MOB4: variants seen among roughly 807,000 people sequenced by gnomAD.
MOB4 encodes MOB family member 4, phocein.
MOB4 carries 4 observed loss-of-function variants against 32.2 expected under a neutral mutation model. That is an observed-to-expected ratio of 0.12 (90% CI 0.06 to 0.28). MOB4 has a LOEUF of 0.28. MOB4 is among the 10% of genes least tolerant of loss of function. MOB4 has a pLI of 1.00. For synonymous variants in MOB4, 88 were observed against 88.1 expected (o/e 1.00, Z 0.01); for missense variants, 158 against 271.2 (o/e 0.58, Z 2.93).
At chr2:197,516,495 C>A in intron 1 of MOB4, 2 of 849,178 alleles carry the variant, frequency 2.4e-6, no homozygotes, top group Non-Finnish European at 1.7e-6. Context: ...CGCGACCAGC[C>A]TGGTGGAGAC....
intron 2 of MOB4, among the ~76,000 whole-genome samples, chr2:197,530,381 C>A (rs1242487102): frequency 6.6e-6 from 1 of 151,902 alleles, no homozygotes; most frequent in Non-Finnish European, 1.5e-5. Context: ...GATTTTCTCA[C>A]CTCACCTTTC....
Position 197,550,576 on chromosome 2 carries a change from A to C in MOB4, c.608A>C (p.Lys203Thr). 1 of 1,609,800 alleles carries C rather than the reference A, an allele frequency of 6.2e-7. No homozygotes were observed. The highest frequency in any genetic ancestry group is 1.7e-5 in the Admixed American group (1 of 58,932). The change falls in exon 8 of 8, where the codon AAG becomes ACG. Residue 203 changes from lysine to threonine, a missense_variant. This residue lies in a region of MOB4 where 45 missense variants were observed against 65.6 expected (regional missense o/e 0.69). Coordinates refer to ENST00000323303, the MANE Select transcript of MOB4 (RefSeq NM_015387.5). ...KFVMKYNLMS[K>T]DNLIVPILEE... is the part of the protein sequence containing the mutation. ...GTGATGAAATACAATTTGATGTCCA[A>C]GGATAACCTGATTGTACCAATTTTA...
chr2:197,516,017 G>A, upstream of MOB4: 3 of 1,494,776 alleles, frequency 2.0e-6, no homozygotes, highest in African/African-American at 2.8e-5. Flanking sequence ...GCGCCGCTCT[G>A]CCCCGCCCCC....
chr2:197,545,090 C>G (rs1010831860), intron 5 of MOB4, among the ~76,000 whole-genome samples: 10 of 152,162 alleles, frequency 6.6e-5, no homozygotes, highest in African/African-American at 2.2e-4. Context: ...TGCACAAAGA[C>G]TTGTACATGA....
intron 2 of MOB4, chr2:197,534,081 G>A: frequency 6.4e-6 from 2 of 311,028 alleles, no homozygotes; most frequent in South Asian, 6.8e-5. Context: ...TGCTGTATTG[G>A]AACAATGGTT....
rs556582744 is a variant in MOB4, at chr2:197,534,630, C to G, written c.124-900C>G. On this transcript the variant is annotated intron_variant, in intron 2 of 7. Coordinates refer to ENST00000323303, the MANE Select transcript of MOB4 (RefSeq NM_015387.5). ...CGATCTTGGTTCACTGCAACCTCCG[C>G]CTCCCGGGTCCAAGCGATTCTCTTG... is the stretch of plus-strand genomic sequence containing the variant. Among the ~76,000 whole-genome samples the G allele has an allele frequency of 2.6e-5, 4 of 152,230 alleles. No individual in the cohort carries two copies. The South Asian group carries it at 6.2e-4, about 24-fold the overall frequency.
At chr2:197,526,094 G>T (rs2086607127) in intron 2 of MOB4, among the ~76,000 whole-genome samples, 1 of 152,148 alleles carries the variant, frequency 6.6e-6, no homozygotes, top group Admixed American at 6.6e-5. Context: ...TGGTGAAAAA[G>T]GGCATCTTTG....
At chr2:197,546,228 A>T (rs2086990663) in intron 5 of MOB4, among the ~76,000 whole-genome samples, 1 of 151,536 alleles carries the variant, frequency 6.6e-6, no homozygotes, top group African/African-American at 2.4e-5. Context: ...CGCACAGCTA[A>T]TTTTTTGTAT....
At position 197,540,153 on chromosome 2, in the gene MOB4, G is replaced by T; in HGVS notation, c.267G>T (p.Gln89His). 1 of 1,603,966 alleles carries T rather than the reference G, an allele frequency of 6.2e-7. No individual in the cohort carries two copies. Among genetic ancestry groups the T allele is most frequent in the Non-Finnish European group, 8.5e-7 (1 of 1,175,000 alleles). The change falls in exon 4 of 8, where the codon CAG (glutamine) becomes CAT (histidine). Residue 89 changes from glutamine to histidine, a missense_variant and splice_region_variant. By Grantham distance (24) the Gln-to-His change is conservative. Transcript: ENST00000323303. ...TAAATGGACTTGCTGTCAAACTTCA[G>T]GTAATATTTTCTTTAAGTCAAAGTT... The part of the protein sequence containing the change: ...LELNGLAVKL[Q>H]SECHPDTCTQ...
intron 2 of MOB4, chr2:197,534,053 C>G (rs939796604): frequency 1.2e-5 from 5 of 433,876 alleles, no homozygotes; most frequent in Non-Finnish European, 2.2e-5. Context: ...ATGTCACCAT[C>G]ATCTGGACAG....
intron 3 of MOB4, among the ~76,000 whole-genome samples, chr2:197,535,899 C>CTTTTTTTTTT (rs1319135434): frequency 1.4e-4 from 18 of 129,260 alleles, no homozygotes; most frequent in South Asian, 2.5e-4. Flanking sequence ...CTTTTCTTTT[C>CTTTTTTTTTT]TTTTTTTTTT....
At chr2:197,540,942 T>C in intron 5 of MOB4, among the ~76,000 whole-genome samples, 1 of 151,888 alleles carries the variant, frequency 6.6e-6, no homozygotes, top group East Asian at 1.9e-4. Context: ...TACTCCGTTG[T>C]CCAGGCTGGA....
chr2:197,516,097 C>A lies in MOB4; in HGVS notation c.11C>A (p.Ala4Glu), dbSNP rs1196607044. The stretch of plus-strand genomic sequence containing the variant: ...CTAGACGCTGGCACTATGGTCATGG[C>A]GGAGGGGACGGCAGTGCTGAGGCGG... MVM[A>E]EGTAVLRRNR... Residue 4 changes from alanine (A) to glutamate (E), a missense_variant, in exon 1 of 8, where the codon GCG becomes GAG. Physicochemically the swap from Ala to Glu is moderately radical, Grantham distance 107 (BLOSUM62 -1). Transcript: ENST00000323303. The A allele has an allele frequency of 5.0e-6, 8 of 1,599,804 alleles. No individual in the cohort carries two copies. Among genetic ancestry groups the A allele is most frequent in the Non-Finnish European group, 6.8e-6 (8 of 1,174,594 alleles).
At chr2:197,516,847 A>G (rs866821819) in intron 1 of MOB4, 1 of 408,038 alleles carries the variant, frequency 2.5e-6, no homozygotes, top group Middle Eastern at 4.6e-4. Context: ...TGTGTGGTAA[A>G]TTGGTGCTTG....
At chr2:197,546,088 G>C (rs1402878188) in intron 5 of MOB4, among the ~76,000 whole-genome samples, 2 of 151,960 alleles carry the variant, frequency 1.3e-5, no homozygotes, top group Non-Finnish European at 2.9e-5. Flanking sequence ...TTGAGACGGA[G>C]TCTCACACTC....
chr2:197,537,311 G>A (rs1388689689), intron 3 of MOB4, among the ~76,000 whole-genome samples: 1 of 152,170 alleles, frequency 6.6e-6, no homozygotes, highest in Non-Finnish European at 1.5e-5. Context: ...GTGCAAATGG[G>A]AGCTGGGATG....
chr2:197,546,140 C>T (rs1281799912), intron 5 of MOB4, among the ~76,000 whole-genome samples: 1 of 152,286 alleles, frequency 6.6e-6, no homozygotes, highest in South Asian at 2.1e-4. Flanking sequence ...TGGCTCACTG[C>T]AAGCTCCGCC....
At chr2:197,540,618 T>C (rs1301952431) in intron 5 of MOB4, among the ~76,000 whole-genome samples, 181 bp downstream of exon 5, 1 of 152,232 alleles carries the variant, frequency 6.6e-6, no homozygotes, top group Non-Finnish European at 1.5e-5. Context: ...ATAAGCATCA[T>C]TTTTCATAAT....
Position 197,516,080 on chromosome 2 carries a change from T to C in MOB4, c.-7T>C, listed in dbSNP as rs1176471294. 6.3e-7 allele frequency: 1 copy of C among 1,591,892 alleles called. No individual in the cohort carries two copies. Among genetic ancestry groups the C allele is most frequent in the Non-Finnish European group, 8.5e-7 (1 of 1,170,586 alleles). ...GTACCGACTCCAGCCGCCTAGACGC[T>C]GGCACTATGGTCATGGCGGAGGGGA... On this transcript the variant is annotated 5_prime_UTR_variant, in exon 1 of 8. Coordinates refer to ENST00000323303, the MANE Select transcript of MOB4 (RefSeq NM_015387.5).
Sources: gnomAD v4.1 joint callset for allele counts (sites outside exome capture counted in the v4.1 genomes callset) on GRCh38, gnomAD v4.1.1 for gene constraint, gnomAD v4.1.1 regional missense constraint, MANE v1.5 for transcripts, NCBI Gene and HGNC (gene_info 2026-07-23, HGNC 2026-07-21) for gene names.